Variants in KCNIP4 observed in about 807,000 individuals in gnomAD.
KCNIP4 encodes Kv channel-interacting protein 4.
In KCNIP4, 12 loss-of-function variants were observed where a neutral mutation model predicts 34.0. That is an observed-to-expected ratio of 0.35 (90% CI 0.23 to 0.57). KCNIP4 has a LOEUF of 0.57. Ranked by LOEUF, KCNIP4 falls within the 20% of genes least tolerant of loss-of-function variation. The probability of loss-of-function intolerance (pLI) is 0.83; values close to 1 mark genes in which losing one functional copy is unlikely to be tolerated. For synonymous variants in KCNIP4, 124 were observed against 102.2 expected (o/e 1.21, Z -1.29); for missense variants, 238 against 311.7 (o/e 0.76, Z 1.78).
At chr4:21,673,916 T>C (rs1156426852) in intron 1 of KCNIP4, among the ~76,000 whole-genome samples, 1 of 152,236 alleles carries the variant, frequency 6.6e-6, no homozygotes, top group African/African-American at 2.4e-5. Flanking sequence ...AATTGACACA[T>C]TATTGTACAT....
chr4:21,192,966 A>AATAATT (rs373160284), intron 1 of KCNIP4, among the ~76,000 whole-genome samples: 1 of 139,612 alleles, frequency 7.2e-6, no homozygotes, highest in Admixed American at 6.9e-5. Flanking sequence ...TAATAATAAT[A>AATAATT]ATTAGTTGGG....
chr4:21,824,403 C>A (rs1722551487), intron 1 of KCNIP4, among the ~76,000 whole-genome samples: 1 of 152,142 alleles, frequency 6.6e-6, no homozygotes, highest in Non-Finnish European at 1.5e-5. Flanking sequence ...GGGATAAAAT[C>A]ACTATTGTTA....
At chr4:21,385,664 T>C (rs2109492972) in intron 1 of KCNIP4, among the ~76,000 whole-genome samples, 1 of 152,310 alleles carries the variant, frequency 6.6e-6, no homozygotes, top group South Asian at 2.1e-4. Context: ...ATAGTAAATT[T>C]TGTTTTTCAT....
intron 4 of KCNIP4, among the ~76,000 whole-genome samples, chr4:20,754,638 C>A (rs1160489089): frequency 6.6e-6 from 1 of 152,184 alleles, no homozygotes; most frequent in East Asian, 1.9e-4. Flanking sequence ...GGTCAGATTT[C>A]TGCATTCAAT....
chr4:21,615,861 A>G (rs919004462), intron 1 of KCNIP4, among the ~76,000 whole-genome samples: 2 of 152,166 alleles, frequency 1.3e-5, no homozygotes, highest in Non-Finnish European at 2.9e-5. Flanking sequence ...CCATTCTGCA[A>G]TCTCTCCAAG....
chr4:21,028,079 G>C (rs1255374737), intron 1 of KCNIP4, among the ~76,000 whole-genome samples: 1 of 152,056 alleles, frequency 6.6e-6, no homozygotes, highest in African/African-American at 2.4e-5. Flanking sequence ...CATCCTTTCA[G>C]TCATTCAGGC....
At chr4:21,344,474 A>G (rs1278090428) in intron 1 of KCNIP4, among the ~76,000 whole-genome samples, 1 of 152,172 alleles carries the variant, frequency 6.6e-6, no homozygotes. Context: ...ATCAGGAGAG[A>G]GTTTTAAGAA....
intron 1 of KCNIP4, among the ~76,000 whole-genome samples, chr4:21,104,947 G>T (rs1748357632): frequency 2.0e-5 from 3 of 151,534 alleles, no homozygotes; most frequent in South Asian, 2.1e-4. Flanking sequence ...CTGTTCCATT[G>T]GTCTATATCT....
intron 1 of KCNIP4, among the ~76,000 whole-genome samples, chr4:21,240,667 G>T (rs769728524): frequency 1.6e-4 from 24 of 152,060 alleles, no homozygotes; most frequent in Non-Finnish European, 3.2e-4. Context: ...AGGCTTCCTG[G>T]CTTCCATGTA....
chr4:20,786,370 T>C (rs546758030), intron 3 of KCNIP4, among the ~76,000 whole-genome samples: 1 of 152,224 alleles, frequency 6.6e-6, no homozygotes, highest in East Asian at 1.9e-4. Flanking sequence ...GGTGTTGGGA[T>C]CAATAGAAGC....
At chr4:21,375,941 CAG>C (rs1335822276) in intron 1 of KCNIP4, among the ~76,000 whole-genome samples, 1 of 152,150 alleles carries the variant, frequency 6.6e-6, no homozygotes, top group Non-Finnish European at 1.5e-5. Context: ...CCTTTCAAGG[CAG>C]AGTCTCCCTC....
intron 1 of KCNIP4, among the ~76,000 whole-genome samples, chr4:21,123,344 A>T (rs1221039586): frequency 6.6e-6 from 1 of 152,194 alleles, no homozygotes; most frequent in Admixed American, 6.5e-5. Context: ...AGCAAAAAAC[A>T]GAAACATCCC....
chr4:21,366,274 T>TA (rs1374853129), intron 1 of KCNIP4, among the ~76,000 whole-genome samples: 8 of 151,998 alleles, frequency 5.3e-5, no homozygotes, highest in African/African-American at 9.7e-5. Context: ...TTTAAAAAAA[T>TA]AAAAAAAACA....
intron 1 of KCNIP4, among the ~76,000 whole-genome samples, chr4:21,378,088 C>T (rs189873829): frequency 2.0e-5 from 3 of 152,230 alleles, no homozygotes; most frequent in African/African-American, 7.2e-5. Context: ...AATTTGCTCC[C>T]GCATTGCTAT....
chr4:21,135,183 A>G (rs551608127), intron 1 of KCNIP4, among the ~76,000 whole-genome samples: 90 of 152,320 alleles, frequency 5.9e-4, no homozygotes, highest in Admixed American at 1.8e-3. Context: ...AAAGTATATC[A>G]TTGCTGCTCT....
At chr4:21,142,435 T>G (rs1752042829) in intron 1 of KCNIP4, among the ~76,000 whole-genome samples, 1 of 152,152 alleles carries the variant, frequency 6.6e-6, no homozygotes, top group Non-Finnish European at 1.5e-5. Flanking sequence ...ACTTTTATAC[T>G]CCTGGAAGAT....
chr4:21,635,414 T>C (rs1428514778), intron 1 of KCNIP4, among the ~76,000 whole-genome samples: 2 of 152,122 alleles, frequency 1.3e-5, no homozygotes, highest in South Asian at 2.1e-4. Context: ...TTTTAACACA[T>C]AATGCTGTTG....
intron 1 of KCNIP4, among the ~76,000 whole-genome samples, chr4:21,101,219 A>G (rs1260817370): frequency 6.6e-6 from 1 of 152,088 alleles, no homozygotes; most frequent in African/African-American, 2.4e-5. Flanking sequence ...GTGGTATTTG[A>G]CTTGCTGGGT....
chr4:21,367,470 C>A (rs867217829), intron 1 of KCNIP4, among the ~76,000 whole-genome samples: 2 of 130,798 alleles, frequency 1.5e-5, no homozygotes, highest in African/African-American at 8.8e-5. Flanking sequence ...GGAGACTCTA[C>A]CTAACTGGAC....
Sources: gnomAD v4.1 joint callset for allele counts (sites outside exome capture counted in the v4.1 genomes callset) on GRCh38, gnomAD v4.1.1 for gene constraint, MANE v1.5 for transcripts, NCBI Gene and HGNC (gene_info 2026-07-23, HGNC 2026-07-21) for gene names.